Variants in NWD1 observed in about 807,000 individuals in gnomAD.
NWD1 encodes the protein NACHT domain- and WD repeat-containing protein 1.
NWD1 carries 129 observed loss-of-function variants against 135.1 expected under a neutral mutation model. The ratio of observed to expected loss-of-function variants is 0.96; its 90% CI spans 0.83 to 1.11. NWD1 has a LOEUF of 1.11. Ranked by LOEUF, NWD1 falls within the 50% of genes least tolerant of loss-of-function variation. NWD1 has a pLI of 0.00. For synonymous variants in NWD1, 773 were observed against 786.0 expected (o/e 0.98, Z 0.28); for missense variants, 1,740 against 1,851.3 (o/e 0.94, Z 1.10).
chr19:16,791,648 T>C, intron 14 of NWD1, 26 bp downstream of exon 14: 2 of 1,608,456 alleles, frequency 1.2e-6, no homozygotes, highest in South Asian at 1.1e-5. Context: ...GACTATGATG[T>C]GAACATTAAC....
At chr19:16,764,023 TG>T in intron 9 of NWD1, 78 bp downstream of exon 9, 2 of 877,694 alleles carry the variant, frequency 2.3e-6, no homozygotes, top group Non-Finnish European at 3.8e-6. Context: ...CTGGGGAGGG[TG>T]AAGGGCAAAC....
At chr19:16,810,533 C>T (rs774795279) in intron 18 of NWD1, among the ~76,000 whole-genome samples, 34 of 151,526 alleles carry the variant, frequency 2.2e-4, no homozygotes, top group African/African-American at 2.9e-4. Context: ...TTTGGGAGGC[C>T]GAGGCAGGGG....
chr19:16,722,468 T>A, intron 1 of NWD1, among the ~76,000 whole-genome samples: 1 of 151,934 alleles, frequency 6.6e-6, no homozygotes, highest in South Asian at 2.1e-4. Context: ...TTTGTATTTT[T>A]AGTAGAGGCG....
At chr19:16,780,898 A>G (rs986546153) in intron 12 of NWD1, among the ~76,000 whole-genome samples, 14 of 152,140 alleles carry the variant, frequency 9.2e-5, no homozygotes, top group East Asian at 3.9e-4. Context: ...AGCTCAAGCA[A>G]TCCTCTCGCC....
intron 2 of NWD1, among the ~76,000 whole-genome samples, chr19:16,725,956 G>T (rs866518199): frequency 1.4e-5 from 2 of 139,348 alleles, no homozygotes; most frequent in Non-Finnish European, 3.1e-5. Flanking sequence ...TTTTTTTTTT[G>T]TTTGTTTTTT....
chr19:16,761,878 A>G, intron 7 of NWD1, 101 bp from the exon 8 acceptor site: 1 of 932,892 alleles, frequency 1.1e-6, no homozygotes, highest in Non-Finnish European at 1.7e-6. Flanking sequence ...AGAGTGGTTT[A>G]GGATGGCTTG....
rs189416131 is a variant in NWD1 at position 16,808,237 on chromosome 19, A to G, written c.4287+101A>G. 1.2e-4 allele frequency: 135 copies of G among 1,127,594 alleles called. No homozygotes were observed. The East Asian group carries it at 3.3e-3, about 27-fold the overall frequency. The allele number at this position is 1,127,594 out of a possible 1,614,324, so 69.8% of individuals were successfully genotyped here. On this transcript the variant is annotated intron_variant, in intron 18 of 18. Coordinates refer to ENST00000524140, the MANE Select transcript of NWD1 (RefSeq NM_001007525.5). ...CACACACCATGGGCCATCGACCAGG[A>G]TGGGACTGGGGTGATGAAAATGAGG...
chr19:16,751,400 G>T (rs1300294873), intron 6 of NWD1, among the ~76,000 whole-genome samples: 2 of 150,724 alleles, frequency 1.3e-5, no homozygotes, highest in East Asian at 3.9e-4. Flanking sequence ...CAGACAGGAA[G>T]GAAGGAGACA....
intron 1 of NWD1, among the ~76,000 whole-genome samples, chr19:16,721,200 C>T (rs1755613405): frequency 6.6e-6 from 1 of 151,734 alleles, no homozygotes; most frequent in Non-Finnish European, 1.5e-5. Context: ...TGGGGGTGTG[C>T]TGTTGAAATC....
At chr19:16,758,485 C>T (rs941389777) in intron 6 of NWD1, among the ~76,000 whole-genome samples, 2 of 152,100 alleles carry the variant, frequency 1.3e-5, no homozygotes, top group African/African-American at 4.8e-5. Context: ...CCTTTGTTGC[C>T]TAGGCTGGTC....
intron 8 of NWD1, among the ~76,000 whole-genome samples, chr19:16,763,004 G>T (rs1055344153): frequency 6.6e-6 from 1 of 151,848 alleles, no homozygotes; most frequent in African/African-American, 2.4e-5. Context: ...GGCTGGTCTC[G>T]AACTCCTGAT....
intron 17 of NWD1, among the ~76,000 whole-genome samples, chr19:16,801,141 T>C (rs545031903): frequency 6.6e-6 from 1 of 151,894 alleles, no homozygotes; most frequent in African/African-American, 2.4e-5. Context: ...TAGCTGGGCG[T>C]GGTGGTGCAT....
chr19:16,769,949 C>CA (rs1969358558), intron 10 of NWD1, among the ~76,000 whole-genome samples: 1 of 152,176 alleles, frequency 6.6e-6, no homozygotes. Context: ...GTGGTCCTCT[C>CA]ACCTCAGCCT....
At position 16,773,110 on chromosome 19, in the gene NWD1, C is replaced by T; in HGVS notation, c.2411-16C>T. 1.2e-6 allele frequency: 2 copies of T among 1,611,848 alleles called. No homozygotes were observed. Among genetic ancestry groups the T allele is most frequent in the South Asian group, 1.1e-5 (1 of 91,060 alleles). The stretch of plus-strand genomic sequence containing the variant: ...GGCTCAATCCAGGCAACTTAGTCTA[C>T]ATCCCTTTGTTGCAGAGAGGAGCCT... On this transcript the variant is annotated splice_polypyrimidine_tract_variant and intron_variant, in intron 10 of 18. Coordinates refer to ENST00000524140, the MANE Select transcript of NWD1 (RefSeq NM_001007525.5).
intron 10 of NWD1, among the ~76,000 whole-genome samples, chr19:16,772,303 T>C (rs530601709): frequency 6.6e-5 from 10 of 152,290 alleles, no homozygotes; most frequent in Non-Finnish European, 1.2e-4. Flanking sequence ...AGTTTGAGGC[T>C]GCAGTGAGCT....
intron 3 of NWD1, among the ~76,000 whole-genome samples, chr19:16,732,801 A>G (rs1967635731): frequency 6.6e-6 from 1 of 152,026 alleles, no homozygotes; most frequent in Non-Finnish European, 1.5e-5. Context: ...TCCCTGGCTA[A>G]CCGGGGATGT....
intron 4 of NWD1, among the ~76,000 whole-genome samples, chr19:16,741,467 G>A (rs1205478776): frequency 2.0e-5 from 3 of 149,842 alleles, no homozygotes; most frequent in South Asian, 2.1e-4. Context: ...CTGGGTTCAA[G>A]CAATTCTCCT....
At chr19:16,758,868 C>T (rs146179167) in intron 6 of NWD1, among the ~76,000 whole-genome samples, 1 of 151,748 alleles carries the variant, frequency 6.6e-6, no homozygotes, top group African/African-American at 2.4e-5. Context: ...ATTAGCCAGG[C>T]GTGGTGGCGC....
At chr19:16,762,250 C>A in intron 8 of NWD1, 112 bp downstream of exon 8, 1 of 919,076 alleles carries the variant, frequency 1.1e-6, no homozygotes, top group Non-Finnish European at 1.7e-6. Flanking sequence ...CCTACTTCTC[C>A]TTTCCGCACA....
Sources: allele counts gnomAD v4.1 joint callset (sites outside exome capture counted in the v4.1 genomes callset), GRCh38; gene constraint gnomAD v4.1.1; transcripts MANE v1.5; gene names NCBI Gene and HGNC (gene_info 2026-07-23, HGNC 2026-07-21).